The following MAN1A1 variants were observed in gnomAD, a reference collection of about 807,000 sequenced individuals.
MAN1A1 encodes mannosyl-oligosaccharide 1,2-alpha-mannosidase IA.
MAN1A1 carries 29 observed loss-of-function variants against 70.8 expected under a neutral mutation model. The ratio of observed to expected loss-of-function variants is 0.41; its 90% CI spans 0.31 to 0.56. MAN1A1 has a LOEUF of 0.56. MAN1A1 is among the 20% of genes least tolerant of loss of function. MAN1A1 has a pLI of 0.29. For missense variants in MAN1A1, 747 were observed against 841.3 expected (o/e 0.89, Z 1.39); for synonymous variants, 349 against 330.1 (o/e 1.06, Z -0.62).
intron 6 of MAN1A1, among the ~76,000 whole-genome samples, chr6:119,213,889 A>G (rs1238810552): frequency 6.6e-6 from 1 of 152,210 alleles, no homozygotes; most frequent in Non-Finnish European, 1.5e-5. Flanking sequence ...GTTTACCTTT[A>G]ATTTACATGT....
At chr6:119,349,500 G>A (rs1402168605) in intron 1 of MAN1A1, 42 bp downstream of exon 1, 3 of 977,824 alleles carry the variant, frequency 3.1e-6, no homozygotes, top group Non-Finnish European at 2.4e-6. Context: ...CGCAGGAAGG[G>A]GTCAGGGCAG....
chr6:119,185,843 AG>A (rs1773275044), intron 11 of MAN1A1, among the ~76,000 whole-genome samples: 1 of 120,512 alleles, frequency 8.3e-6, no homozygotes, highest in Non-Finnish European at 1.7e-5. Context: ...TTGGCCTCCC[AG>A]TTTTTTTTTT....
intron 4 of MAN1A1, among the ~76,000 whole-genome samples, chr6:119,295,862 T>C (rs1244049800): frequency 6.6e-6 from 1 of 152,164 alleles, no homozygotes; most frequent in Non-Finnish European, 1.5e-5. Flanking sequence ...TTCTGTTTAA[T>C]ATTAACTGTT....
intron 6 of MAN1A1, among the ~76,000 whole-genome samples, chr6:119,220,841 T>A (rs539747137): frequency 4.2e-4 from 64 of 152,248 alleles, no homozygotes; most frequent in African/African-American, 1.5e-3. Context: ...CAAAGGAAAT[T>A]TATTAGCACT....
At chr6:119,295,851 T>C (rs1772201726) in intron 4 of MAN1A1, among the ~76,000 whole-genome samples, 1 of 152,146 alleles carries the variant, frequency 6.6e-6, no homozygotes, top group Non-Finnish European at 1.5e-5. Flanking sequence ...CAATGCAATA[T>C]TTCTGTTTAA....
chr6:119,342,049 T>C (rs1773607745), intron 2 of MAN1A1, among the ~76,000 whole-genome samples: 1 of 152,216 alleles, frequency 6.6e-6, no homozygotes, highest in South Asian at 2.1e-4. Context: ...ATAGGCATAT[T>C]TGACTATGAG....
chr6:119,348,760 G>A lies in MAN1A1; in HGVS notation c.306C>T (p.Ala102=). 6.5e-7 allele frequency: 1 copy of A among 1,546,524 alleles called. No individual in the cohort carries two copies. The highest frequency in any genetic ancestry group is 8.7e-7 in the Non-Finnish European group (1 of 1,149,970). The part of the protein sequence containing the change: ...ARAEDAAEGR[A]RRREEGAPGD... ...CGGGTGCCCCCTCCTCGCGGCGCCG[G>A]GCTCGCCCCTCGGCCGCGTCCTCGG... Residue 102 remains alanine, a synonymous_variant, in exon 2 of 13, where the codon GCC becomes GCT. Transcript: ENST00000368468.
intron 6 of MAN1A1, among the ~76,000 whole-genome samples, chr6:119,219,581 G>A (rs1774300331): frequency 6.6e-6 from 1 of 150,758 alleles, no homozygotes; most frequent in South Asian, 2.1e-4. Context: ...CTAACCAAAA[G>A]AGATCTGTTT....
Position 119,345,531 on chromosome 6 carries a change from A to AT in MAN1A1, c.603+2931dup, listed in dbSNP as rs559109557. 4.1e-4 allele frequency among the ~76,000 whole-genome samples: 62 copies of AT among 152,332 alleles called. 2 individuals are homozygous for AT. In the South Asian group the frequency reaches 0.013, roughly 32 times the overall value. On this transcript the variant is annotated intron_variant, in intron 2 of 12. Transcript: ENST00000368468. ...AAATCAGTAGTGGAAAGCATTTAAC[A>AT]TTTTTTGTGAAGCATTCTGTACAAT...
At chr6:119,262,005 T>A (rs571449299) in intron 5 of MAN1A1, among the ~76,000 whole-genome samples, 1 of 152,126 alleles carries the variant, frequency 6.6e-6, no homozygotes, top group Non-Finnish European at 1.5e-5. Context: ...ACAGAAGTGA[T>A]GGTGGATGGC....
Position 119,230,157 on chromosome 6 carries a change from T to C in MAN1A1, c.992+18103A>G, listed in dbSNP as rs950601051. On this transcript the variant is annotated intron_variant, in intron 6 of 12. Coordinates refer to ENST00000368468, the MANE Select transcript of MAN1A1 (RefSeq NM_005907.4). The stretch of plus-strand genomic sequence containing the variant: ...GGGCCTATCCAGCTAGGAACCTGCA[T>C]TGCAGGCTTGTGTTTTTGGGAAAAG... Among the ~76,000 whole-genome samples the C allele has an allele frequency of 2.0e-4, 31 of 152,236 alleles. 2 individuals are homozygous for C. The highest frequency in any genetic ancestry group is 2.0e-3 in the Admixed American group (31 of 15,284).
intron 5 of MAN1A1, among the ~76,000 whole-genome samples, chr6:119,282,673 A>G (rs978180316): frequency 1.3e-5 from 2 of 152,166 alleles, no homozygotes; most frequent in Non-Finnish European, 2.9e-5. Flanking sequence ...CAAATAGTAA[A>G]TTAACATTTA....
chr6:119,239,137 C>T (rs1422201646), intron 6 of MAN1A1, among the ~76,000 whole-genome samples: 1 of 152,100 alleles, frequency 6.6e-6, no homozygotes, highest in Admixed American at 6.5e-5. Flanking sequence ...CTCAGCCTCC[C>T]AAAGTGCTGG....
At chr6:119,224,045 G>C (rs1368236473) in intron 6 of MAN1A1, among the ~76,000 whole-genome samples, 2 of 152,130 alleles carry the variant, frequency 1.3e-5, no homozygotes, top group South Asian at 2.1e-4. Context: ...AGAGTTAAAG[G>C]CTGGCAGGGT....
At chr6:119,179,976 C>T (rs760294446) in intron 12 of MAN1A1, 31 bp from the exon 13 acceptor site, 24 of 1,609,326 alleles carry the variant, frequency 1.5e-5, no homozygotes, top group Non-Finnish European at 2.0e-5. Flanking sequence ...ATATGAGGCC[C>T]AAGACACTAG....
chr6:119,215,068 A>G (rs1426019637), intron 6 of MAN1A1, among the ~76,000 whole-genome samples: 1 of 151,932 alleles, frequency 6.6e-6, no homozygotes, highest in African/African-American at 2.4e-5. Context: ...GGGAAGGGGG[A>G]AGGATAGCAT....
At chr6:119,268,514 G>A (rs1775821136) in intron 5 of MAN1A1, among the ~76,000 whole-genome samples, 1 of 152,042 alleles carries the variant, frequency 6.6e-6, no homozygotes, top group African/African-American at 2.4e-5. Context: ...TCAGAAGGTA[G>A]GGCTCCCTCC....
intron 5 of MAN1A1, among the ~76,000 whole-genome samples, chr6:119,289,200 T>C (rs1284961279): frequency 2.0e-5 from 3 of 152,046 alleles, no homozygotes; most frequent in Non-Finnish European, 4.4e-5. Context: ...TGTGTTTTTC[T>C]TTGTATGCTT....
Position 119,349,107 on chromosome 6 carries a change from G to A in MAN1A1, c.-42C>T. On this transcript the variant is annotated 5_prime_UTR_variant, in exon 2 of 13. Transcript: ENST00000368468. ...TGGTCCGGCGCCGCGCCGCTCAGCAGCCAAACTTCGCCGCCGCTGGGAGTC... is the reference window on the plus strand; with the variant it reads ...TGGTCCGGCGCCGCGCCGCTCAGCAACCAAACTTCGCCGCCGCTGGGAGTC... 1 of 1,262,346 alleles carries A rather than the reference G, an allele frequency of 7.9e-7. No individual in the cohort carries two copies. Among genetic ancestry groups the A allele is most frequent in the Non-Finnish European group, 9.9e-7 (1 of 1,005,248 alleles). 78.2% of individuals were successfully genotyped at this position (1,262,346 alleles called of 1,614,324 possible). A position where few individuals can be genotyped will look rare whatever the true frequency, so the allele number is the denominator to read the frequency against.
Sources: allele counts gnomAD v4.1 joint callset (sites outside exome capture counted in the v4.1 genomes callset), GRCh38; gene constraint gnomAD v4.1.1; transcripts MANE v1.5; gene names NCBI Gene and HGNC (gene_info 2026-07-23, HGNC 2026-07-21).